Variants in FNDC3A observed in about 807,000 individuals in gnomAD.
The protein encoded by FNDC3A is fibronectin type-III domain-containing protein 3A.
Under a neutral mutation model 148.9 loss-of-function variants are expected in FNDC3A, and 32 were observed. The observed-to-expected ratio is 0.21, with a 90% CI of 0.16 to 0.29. The LOEUF (loss-of-function observed/expected upper bound fraction) is 0.29. Among genes scored for constraint, FNDC3A ranks in the 10% least tolerant of loss-of-function variants. The probability of loss-of-function intolerance (pLI) is 1.00; values close to 1 mark genes in which losing one functional copy is unlikely to be tolerated. For missense variants in FNDC3A, 1,191 were observed against 1,452.8 expected, an observed-to-expected ratio of 0.82 and a Z score of 2.93; for synonymous variants, 472 against 473.6, an observed-to-expected ratio of 1.00 and a Z score of 0.04.
chr13:49,032,653 G>A (rs1196711218), intron 2 of FNDC3A, among the ~76,000 whole-genome samples: 2 of 152,116 alleles, frequency 1.3e-5, no homozygotes, highest in African/African-American at 4.8e-5. Context: ...GGAGAATGGC[G>A]TGAACCCGGG....
At chr13:49,107,072 A>G (rs1880242695) in intron 3 of FNDC3A, among the ~76,000 whole-genome samples, 1 of 152,188 alleles carries the variant, frequency 6.6e-6, no homozygotes, top group African/African-American at 2.4e-5. Flanking sequence ...CATGGATGCA[A>G]CAGTGTTGGT....
intron 2 of FNDC3A, among the ~76,000 whole-genome samples, chr13:49,041,985 G>A (rs1215330792): frequency 6.6e-6 from 1 of 152,044 alleles, no homozygotes; most frequent in African/African-American, 2.4e-5. Flanking sequence ...ATTTCAGATA[G>A]TGATGAGTAC....
intron 2 of FNDC3A, among the ~76,000 whole-genome samples, chr13:49,049,813 A>G (rs1875702643): frequency 6.6e-6 from 1 of 151,884 alleles, no homozygotes. Flanking sequence ...TCTGCCTCCC[A>G]TGTTCAAGCG....
intron 14 of FNDC3A, among the ~76,000 whole-genome samples, chr13:49,181,541 T>C (rs1009069775): frequency 6.6e-6 from 1 of 152,064 alleles, no homozygotes; most frequent in Non-Finnish European, 1.5e-5. Flanking sequence ...AAGTAGAAAA[T>C]GATGCTTGTA....
At position 49,123,957 on chromosome 13, in the gene FNDC3A, AC is replaced by A. The variant is rs535327515; in HGVS notation, c.253-7178del. 1.2e-4 allele frequency among the ~76,000 whole-genome samples: 19 copies of A among 152,340 alleles called. No individual in the cohort carries two copies. In the East Asian group the frequency reaches 3.5e-3, roughly 28 times the overall value. ...TGTGGCAATTCCTCAAGGATCTAGA[AC>A]CACAAATACCATTTGACCCAGCAAT... On this transcript the variant is annotated intron_variant, in intron 4 of 25. Transcript: ENST00000492622.
At chr13:49,100,131 C>T (rs1425638060) in intron 3 of FNDC3A, among the ~76,000 whole-genome samples, 1 of 152,070 alleles carries the variant, frequency 6.6e-6, no homozygotes, top group Non-Finnish European at 1.5e-5. Flanking sequence ...CTCCAATATT[C>T]AGATACTCAA....
At chr13:48,995,310 CTT>C (rs112558764) in intron 1 of FNDC3A, among the ~76,000 whole-genome samples, 51 of 142,762 alleles carry the variant, frequency 3.6e-4, no homozygotes, top group African/African-American at 1.2e-3. Context: ...TGAGGACTGC[CTT>C]TTTTTTTTTT....
chr13:49,177,817 A>G (rs1019731409), intron 13 of FNDC3A, among the ~76,000 whole-genome samples: 1 of 152,180 alleles, frequency 6.6e-6, no homozygotes, highest in African/African-American at 2.4e-5. Context: ...ATATTATATG[A>G]TTCCATTTAT....
intron 2 of FNDC3A, among the ~76,000 whole-genome samples, chr13:49,024,256 C>T (rs999129311): frequency 6.6e-6 from 1 of 151,890 alleles, no homozygotes; most frequent in Non-Finnish European, 1.5e-5. Flanking sequence ...AAAGAAAAGT[C>T]CAGGACCAGA....
At chr13:49,135,463 T>C (rs557904929) in intron 5 of FNDC3A, among the ~76,000 whole-genome samples, 232 of 152,308 alleles carry the variant, frequency 1.5e-3, no homozygotes, top group Non-Finnish European at 2.3e-3. Flanking sequence ...CTAAGAGTTC[T>C]ATAGTTTAAT....
intron 8 of FNDC3A, among the ~76,000 whole-genome samples, chr13:49,148,967 T>G (rs1883140777): frequency 6.6e-6 from 1 of 152,170 alleles, no homozygotes; most frequent in Non-Finnish European, 1.5e-5. Context: ...TTGTAGCTAT[T>G]GTAAATGTGA....
chr13:49,025,536 C>T (rs1358581885), intron 2 of FNDC3A, among the ~76,000 whole-genome samples: 4 of 151,996 alleles, frequency 2.6e-5, no homozygotes, highest in Admixed American at 2.6e-4. Context: ...CTATATAATA[C>T]AGAAACTGGC....
intron 3 of FNDC3A, among the ~76,000 whole-genome samples, chr13:49,108,709 T>C (rs1020681975): frequency 6.6e-6 from 1 of 152,186 alleles, no homozygotes; most frequent in Middle Eastern, 3.2e-3. Context: ...GCTTTTTGTT[T>C]AGGGGCTGAA....
At chr13:49,033,024 G>A (rs773325884) in intron 2 of FNDC3A, among the ~76,000 whole-genome samples, 4 of 152,104 alleles carry the variant, frequency 2.6e-5, no homozygotes, top group Non-Finnish European at 5.9e-5. Context: ...GGTTAAATTT[G>A]TGGAGTCAGT....
At chr13:49,176,869 C>G (rs1435712527) in intron 13 of FNDC3A, among the ~76,000 whole-genome samples, 1 of 152,130 alleles carries the variant, frequency 6.6e-6, no homozygotes, top group African/African-American at 2.4e-5. Flanking sequence ...GGCACAATCT[C>G]AGTTCACTTC....
chr13:49,056,447 T>A (rs1198489221), intron 2 of FNDC3A, among the ~76,000 whole-genome samples: 1 of 152,220 alleles, frequency 6.6e-6, no homozygotes, highest in Non-Finnish European at 1.5e-5. Flanking sequence ...GATTTCTTTA[T>A]TCATCTAGAG....
At chr13:49,031,954 A>G (rs1874151727) in intron 2 of FNDC3A, among the ~76,000 whole-genome samples, 2 of 152,204 alleles carry the variant, frequency 1.3e-5, no homozygotes, top group African/African-American at 4.8e-5. Flanking sequence ...TCTTCTAAAA[A>G]GACAACCTAA....
intron 2 of FNDC3A, among the ~76,000 whole-genome samples, chr13:49,014,071 T>C (rs1460181909): frequency 4.3e-4 from 58 of 135,318 alleles, no homozygotes; most frequent in African/African-American, 7.1e-4. Flanking sequence ...TGTGCATGTG[T>C]CTTTATAGCA....
chr13:48,979,888 A>G (rs1951667642), intron 1 of FNDC3A, among the ~76,000 whole-genome samples: 1 of 152,166 alleles, frequency 6.6e-6, no homozygotes. Flanking sequence ...AGAGCCAAAC[A>G]AAAACAAGCC....
Sources: gnomAD v4.1 joint callset for allele counts (sites outside exome capture counted in the v4.1 genomes callset) on GRCh38, gnomAD v4.1.1 for gene constraint, MANE v1.5 for transcripts, NCBI Gene and HGNC (gene_info 2026-07-23, HGNC 2026-07-21) for gene names.